The following BMP1 variants were observed in gnomAD, a reference collection of about 807,000 sequenced individuals.
The protein encoded by BMP1 is bone morphogenetic protein 1.
In BMP1, 63 loss-of-function variants were observed where a neutral mutation model predicts 116.8. The ratio of observed to expected loss-of-function variants is 0.54; its 90% CI spans 0.44 to 0.67. BMP1 has a LOEUF of 0.67. BMP1 is among the 30% of genes least tolerant of loss of function. The pLI is 0.00. For missense variants in BMP1, 1,183 were observed against 1,358.9 expected (o/e 0.87, Z 2.04); for synonymous variants, 536 against 533.4 (o/e 1.00, Z -0.07).
intron 19 of BMP1, among the ~76,000 whole-genome samples, chr8:22,210,311 G>A (rs529764605): frequency 6.6e-6 from 1 of 151,514 alleles, no homozygotes; most frequent in South Asian, 2.1e-4. Context: ...ACATGGGCTA[G>A]CCTCGTGGGG....
In BMP1 at chr8:22,169,135, T is replaced by C. The variant is rs1049643183; in HGVS notation, c.148+3582T>C. ...CCAGGAGCTGGAGGCTGTAGTGAGC[T>C]ATGATTGTGCCGCTGCACTCTAGTC... On this transcript the variant is annotated intron_variant, in intron 1 of 19. Transcript: ENST00000306385. Among the ~76,000 whole-genome samples the C allele has an allele frequency of 6.7e-5, 10 of 149,502 alleles. 1 individual carries two copies. The highest frequency in any genetic ancestry group is 1.5e-5 in the Non-Finnish European group (1 of 67,724).
intron 8 of BMP1, among the ~76,000 whole-genome samples, chr8:22,189,283 C>T (rs1277680417): frequency 6.6e-6 from 1 of 151,934 alleles, no homozygotes; most frequent in Non-Finnish European, 1.5e-5. Context: ...CGTATATGGT[C>T]TTTTGCAACA....
intron 8 of BMP1, among the ~76,000 whole-genome samples, chr8:22,190,981 A>G (rs1339263974): frequency 6.6e-6 from 1 of 152,050 alleles, no homozygotes; most frequent in Non-Finnish European, 1.5e-5. Context: ...CTTTGGGCCC[A>G]CTCTGGGACC....
In BMP1 at chr8:22,194,134, C is replaced by T. The variant is rs1248058527; in HGVS notation, c.1257C>T (p.Ser419=). The T allele has an allele frequency of 3.7e-6, 6 of 1,614,068 alleles. No individual in the cohort carries two copies. The Admixed American group carries it at 1.0e-4, about 27-fold the overall frequency. Residue 419 remains serine, a synonymous_variant, in exon 10 of 20, where the codon AGC becomes AGT. Transcript: ENST00000306385. The surrounding 1 kb of genome is among the most constrained non-coding windows in gnomAD (Gnocchi z 4.5). The part of the protein sequence containing the change: ...DSRLWVEFRS[S]SNWVGKGFFA... ...GCCTCTGGGTTGAATTCCGCAGCAG[C>T]AGCAATTGGGTTGGAAAGGGCTTCT... is the stretch of plus-strand genomic sequence containing the variant.
chr8:22,199,487 C>A (rs1829196499), intron 15 of BMP1: 1 of 1,114,270 alleles, frequency 9.0e-7, no homozygotes, highest in Non-Finnish European at 1.1e-6. Flanking sequence ...CCCACTCCTG[C>A]CCCGGACACT....
intron 15 of BMP1, 147 bp downstream of exon 15, chr8:22,197,567 C>T (rs1477396828): frequency 1.2e-6 from 1 of 854,934 alleles, no homozygotes; most frequent in East Asian, 2.6e-5. Flanking sequence ...ACTTCACTCT[C>T]CCATCAAGCC....
rs1829271378 is a variant in BMP1 at position 22,201,859 on chromosome 8, T to C, written c.2164T>C (p.Phe722Leu). The C allele has an allele frequency of 1.9e-6, 3 of 1,613,844 alleles. No homozygotes were observed. The highest frequency in any genetic ancestry group is 2.5e-6 in the Non-Finnish European group (3 of 1,179,954). ...CTGCCAGCAGGACTGCGTCAACACG[T>C]TCGGCAGTTATGAGTGCCAATGCCG... ...GGCQQDCVNTFGSYECQCRSG... is the reference protein window; with the variant it reads ...GGCQQDCVNTLGSYECQCRSG... The change falls in exon 16 of 20, where the codon TTC (phenylalanine) becomes CTC (leucine). Residue 722 changes from phenylalanine to leucine, a missense_variant. Physicochemically the swap from Phe to Leu is conservative, Grantham distance 22. Transcript: ENST00000306385.
In BMP1 at chr8:22,207,401, C is replaced by T; in HGVS notation, c.2460C>T (p.Arg820=). The T allele has an allele frequency of 6.2e-7, 1 of 1,614,222 alleles. No homozygotes were observed. Among genetic ancestry groups the T allele is most frequent in the Non-Finnish European group, 8.5e-7 (1 of 1,180,040 alleles). Residue 820 remains arginine, a synonymous_variant, in exon 18 of 20, where the codon CGC becomes CGT. Coordinates refer to ENST00000306385, the MANE Select transcript of BMP1 (RefSeq NM_006129.5). ...GRDAKAPVLG[R]FCGSKKPEPV... The stretch of plus-strand genomic sequence containing the variant: ...ACGCCAAGGCCCCCGTCCTCGGCCG[C>T]TTCTGTGGGAGCAAGAAGCCCGAGC...
intron 8 of BMP1, among the ~76,000 whole-genome samples, chr8:22,187,600 C>G (rs532390259): frequency 2.7e-5 from 4 of 149,636 alleles, no homozygotes; most frequent in Non-Finnish European, 5.9e-5. Context: ...ACGCCCACCT[C>G]AGCCTCCCAA....
intron 17 of BMP1, 146 bp downstream of exon 17, chr8:22,207,127 C>T: frequency 2.1e-6 from 3 of 1,434,142 alleles, no homozygotes; most frequent in Non-Finnish European, 2.8e-6. Context: ...GCCCCTTTCC[C>T]AGTATAAATT....
intron 8 of BMP1, among the ~76,000 whole-genome samples, chr8:22,182,780 C>T (rs759820956): frequency 3.3e-5 from 5 of 152,206 alleles, no homozygotes; most frequent in Non-Finnish European, 7.3e-5. Flanking sequence ...TCCCAGCACA[C>T]ACACCCCTTT....
At chr8:22,192,192 C>T (rs370731778) in intron 9 of BMP1, 41 bp downstream of exon 9, 8 of 1,548,780 alleles carry the variant, frequency 5.2e-6, no homozygotes, top group Non-Finnish European at 7.1e-6. Flanking sequence ...CATGCTGATT[C>T]CCTCTCTGAG....
Position 22,210,360 on chromosome 8 carries a change from T to G in BMP1, c.2826+665T>G, listed in dbSNP as rs1168214986. 3.2e-5 allele frequency among the ~76,000 whole-genome samples: 4 copies of G among 124,566 alleles called. No homozygotes were observed. The Admixed American group carries it at 3.3e-4, about 10-fold the overall frequency. 81.7% of individuals were successfully genotyped at this position (124,566 alleles called of 152,430 possible). A position where few individuals can be genotyped will look rare whatever the true frequency, so the allele number is the denominator to read the frequency against. On this transcript the variant is annotated intron_variant, in intron 19 of 19. Transcript: ENST00000306385. ...CTCCCTGTAAGAGCTTGCAGCTGCCTCTTCTTCTTTTTTTTTTTTTTTTTT... is the reference window on the plus strand; with the variant it reads ...CTCCCTGTAAGAGCTTGCAGCTGCCGCTTCTTCTTTTTTTTTTTTTTTTTT...
intron 1 of BMP1, chr8:22,169,441 T>G (rs1411276028): frequency 1.3e-5 from 2 of 152,266 alleles, no homozygotes; most frequent in African/African-American, 2.4e-5. Flanking sequence ...ATGTGTGTGT[T>G]TGAAAACACA....
In BMP1 at chr8:22,188,743, T is replaced by G. The variant is rs139765055; in HGVS notation, c.1078-3306T>G. 5.0e-4 allele frequency among the ~76,000 whole-genome samples: 76 copies of G among 152,346 alleles called. 3 individuals are homozygous for G. The East Asian group carries it at 0.014, about 29-fold the overall frequency. ...CCTGAGCGATGTGACCTCTGGTTCC[T>G]CCTACTTCTTTGGAGCTCTCGGGTG... On this transcript the variant is annotated intron_variant, in intron 8 of 19. Transcript: ENST00000306385.
chr8:22,197,552 C>A (rs1829130009), intron 15 of BMP1, 132 bp downstream of exon 15: 2 of 985,506 alleles, frequency 2.0e-6, no homozygotes, highest in Non-Finnish European at 3.0e-6. Context: ...CCCCTGCTCC[C>A]CACCACTTCA....
chr8:22,209,579 C>T lies in BMP1; in HGVS notation c.2710C>T (p.Leu904Phe). 7 of 1,614,236 alleles carry T rather than the reference C, an allele frequency of 4.3e-6. No individual in the cohort carries two copies. The highest frequency in any genetic ancestry group is 5.9e-6 in the Non-Finnish European group (7 of 1,180,034). Residue 904 changes from leucine (L) to phenylalanine (F), a missense_variant, in exon 19 of 20, where the codon CTC (leucine) becomes TTC (phenylalanine). Leu to Phe is a conservative substitution (Grantham distance 22). This residue lies in a region of BMP1 where 956 missense variants were observed against 1,135.2 expected (regional missense o/e 0.84). Coordinates refer to ENST00000306385, the MANE Select transcript of BMP1 (RefSeq NM_006129.5). ...GGCCGAGGAAGGCTACGGCGTGGAG[C>T]TCGTGTTCCAGACCTTTGAGGTGGA... is the stretch of plus-strand genomic sequence containing the variant. Reference protein sequence around the residue: ...IVAEEGYGVELVFQTFEVEEE... With the variant: ...IVAEEGYGVEFVFQTFEVEEE...
intron 8 of BMP1, among the ~76,000 whole-genome samples, chr8:22,180,953 G>A (rs953817819): frequency 9.9e-5 from 15 of 152,208 alleles, no homozygotes; most frequent in Non-Finnish European, 1.9e-4. Flanking sequence ...GCTCTCATCC[G>A]TCTCATCAGG....
At chr8:22,175,920 A>T (rs947821025) in intron 2 of BMP1, among the ~76,000 whole-genome samples, 6 of 152,230 alleles carry the variant, frequency 3.9e-5, no homozygotes, top group Admixed American at 3.9e-4. Context: ...ATTCCACCTC[A>T]GCTGGGAACA....
Sources: allele counts gnomAD v4.1 joint callset (sites outside exome capture counted in the v4.1 genomes callset), GRCh38; gene constraint gnomAD v4.1.1; regional missense constraint gnomAD v4.1.1; non-coding constraint Gnocchi (gnomAD v3.1); transcripts MANE v1.5; gene names NCBI Gene and HGNC (gene_info 2026-07-23, HGNC 2026-07-21).